COL24A1: variants seen among roughly 807,000 people sequenced by gnomAD.
COL24A1 encodes the protein collagen alpha-1(XXIV) chain.
In COL24A1, 224 loss-of-function variants were observed where a neutral mutation model predicts 253.9. The observed-to-expected ratio is 0.88, with a 90% CI of 0.79 to 0.99. The LOEUF is 0.99. COL24A1 is among the 50% of genes least tolerant of loss of function. The pLI, the probability that COL24A1 is intolerant of heterozygous loss-of-function variation, is 0.00. For synonymous variants in COL24A1, 685 were observed against 673.7 expected (o/e 1.02, Z -0.26); for missense variants, 2,131 against 2,068.5 (o/e 1.03, Z -0.59).
chr1:86,008,728 C>G (rs1303783108), intron 19 of COL24A1, among the ~76,000 whole-genome samples: 4 of 151,786 alleles, frequency 2.6e-5, no homozygotes, highest in African/African-American at 9.7e-5. Context: ...TACATGATAG[C>G]ATGTCTAGAA....
At chr1:85,858,628 C>CTTCCTTCT (rs1678751653) in intron 37 of COL24A1, among the ~76,000 whole-genome samples, 4 of 116,650 alleles carry the variant, frequency 3.4e-5, no homozygotes, top group South Asian at 2.8e-4. Flanking sequence ...TCCCTCCTTC[C>CTTCCTTCT]TTCCTTCCTT....
At chr1:85,965,184 G>T in intron 22 of COL24A1, 122 bp from the exon 23 acceptor site, 1 of 722,142 alleles carries the variant, frequency 1.4e-6, no homozygotes, top group Non-Finnish European at 2.2e-6. Flanking sequence ...AAAATTATTT[G>T]ATAAATGTAT....
At chr1:86,009,721 A>G (rs1349232923) in intron 19 of COL24A1, among the ~76,000 whole-genome samples, 1 of 152,180 alleles carries the variant, frequency 6.6e-6, no homozygotes, top group Non-Finnish European at 1.5e-5. Flanking sequence ...GCATTACTGT[A>G]CACTTTTATA....
intron 37 of COL24A1, among the ~76,000 whole-genome samples, chr1:85,861,544 A>T (rs935374794): frequency 1.3e-5 from 2 of 151,914 alleles, no homozygotes; most frequent in African/African-American, 4.8e-5. Flanking sequence ...TAGGTCTATG[A>T]CTCATTTGGA....
intron 7 of COL24A1, among the ~76,000 whole-genome samples, chr1:86,075,595 G>T (rs188528557): frequency 1.3e-5 from 2 of 152,168 alleles, no homozygotes; most frequent in East Asian, 1.9e-4. Flanking sequence ...AAGAATAAAA[G>T]AAAATTTCAG....
intron 19 of COL24A1, among the ~76,000 whole-genome samples, chr1:86,013,784 C>T (rs486680): frequency 0.31 from 47,375 of 152,054 alleles, 7,908 homozygotes; most frequent in Middle Eastern, 0.51. Context: ...TGCAATGAGC[C>T]CAGACGGCAC....
chr1:86,014,757 C>A (rs80261525), intron 19 of COL24A1, among the ~76,000 whole-genome samples: 2 of 151,982 alleles, frequency 1.3e-5, no homozygotes, highest in African/African-American at 4.8e-5. Flanking sequence ...TTTTCTAGTT[C>A]TCTCTTTAAG....
intron 47 of COL24A1, among the ~76,000 whole-genome samples, chr1:85,809,445 C>G (rs1187638582): frequency 6.6e-6 from 1 of 152,166 alleles, no homozygotes; most frequent in Non-Finnish European, 1.5e-5. Context: ...TCAAGGACAA[C>G]TTGGAGGTCA....
intron 8 of COL24A1, among the ~76,000 whole-genome samples, chr1:86,061,502 G>A (rs1217525702): frequency 1.3e-5 from 2 of 151,970 alleles, no homozygotes; most frequent in African/African-American, 2.4e-5. Context: ...ATCCTATTTC[G>A]AATGGATTGT....
chr1:86,036,193 C>G (rs1698999409), intron 12 of COL24A1, among the ~76,000 whole-genome samples: 1 of 151,742 alleles, frequency 6.6e-6, no homozygotes, highest in Non-Finnish European at 1.5e-5. Context: ...CACTTTGTTG[C>G]CCAGACTCTT....
chr1:85,823,796 T>A, intron 43 of COL24A1, 58 bp from the exon 44 acceptor site: 1 of 1,443,960 alleles, frequency 6.9e-7, no homozygotes, highest in Non-Finnish European at 9.7e-7. Flanking sequence ...CTTAAGAGAA[T>A]AGGATACTAT....
intron 1 of COL24A1, among the ~76,000 whole-genome samples, chr1:86,151,565 T>C (rs911314907): frequency 6.6e-6 from 1 of 152,128 alleles, no homozygotes; most frequent in African/African-American, 2.4e-5. Context: ...TAACCAGACA[T>C]GTGAGGGTAA....
intron 4 of COL24A1, among the ~76,000 whole-genome samples, chr1:86,115,044 G>A (rs1439413992): frequency 2.0e-5 from 3 of 152,146 alleles, no homozygotes; most frequent in Non-Finnish European, 4.4e-5. Flanking sequence ...CACTTTATAA[G>A]TAAGAATAAT....
rs558168529 is a variant in COL24A1, at chr1:85,989,192, A to G, written c.2311-1538T>C. Reference sequence around the variant, plus strand: ...CTGCTGTAACACTAGCTAGTCTAAAATTGAACTTACTACCTTCTCCATTAT... The same window carrying G: ...CTGCTGTAACACTAGCTAGTCTAAAGTTGAACTTACTACCTTCTCCATTAT... On this transcript the variant is annotated intron_variant, in intron 19 of 59. Transcript: ENST00000370571. Among the ~76,000 whole-genome samples, 7 of 152,148 alleles carry G rather than the reference A, an allele frequency of 4.6e-5. No individual in the cohort carries two copies. In the South Asian group the frequency reaches 1.5e-3, roughly 32 times the overall value.
intron 3 of COL24A1, among the ~76,000 whole-genome samples, chr1:86,120,842 T>G (rs1647230920): frequency 2.0e-5 from 3 of 152,138 alleles, no homozygotes; most frequent in East Asian, 1.9e-4. Flanking sequence ...CACATGCACA[T>G]GTATGTTTAC....
chr1:85,801,957 C>T (rs777232771), intron 47 of COL24A1, among the ~76,000 whole-genome samples: 4 of 146,068 alleles, frequency 2.7e-5, no homozygotes, highest in African/African-American at 5.6e-5. Context: ...CTCTCTCTCC[C>T]TCATGTCTCC....
At chr1:86,101,429 T>C (rs1213710544) in intron 5 of COL24A1, among the ~76,000 whole-genome samples, 1 of 152,130 alleles carries the variant, frequency 6.6e-6, no homozygotes, top group African/African-American at 2.4e-5. Context: ...CTGTGTTGAA[T>C]AGAAGTGGTG....
Position 85,964,087 on chromosome 1 carries a change from G to A in COL24A1, c.2517+922C>T, listed in dbSNP as rs572332490. On this transcript the variant is annotated intron_variant, in intron 23 of 59. Transcript: ENST00000370571. ...CTTGAAAAGTGTTGTTTAGCTTTTC[G>A]TTAGGTTCCAGCATCATAAAAATGA... Among the ~76,000 whole-genome samples the A allele has an allele frequency of 4.6e-5, 7 of 152,104 alleles. No individual in the cohort carries two copies. In the East Asian group the frequency reaches 1.2e-3, roughly 25 times the overall value.
At chr1:85,892,654 A>C (rs1416232846) in intron 31 of COL24A1, among the ~76,000 whole-genome samples, 1 of 152,130 alleles carries the variant, frequency 6.6e-6, no homozygotes, top group Non-Finnish European at 1.5e-5. Context: ...AGCAAAAATC[A>C]TAACTTTGCA....
Sources: gnomAD v4.1 joint callset for allele counts (sites outside exome capture counted in the v4.1 genomes callset) on GRCh38, gnomAD v4.1.1 for gene constraint, MANE v1.5 for transcripts, NCBI Gene and HGNC (gene_info 2026-07-23, HGNC 2026-07-21) for gene names.